The following CD200R1 variants were observed in gnomAD, a reference collection of about 807,000 sequenced individuals.
CD200R1 encodes CD200 receptor 1, also known as cell surface glycoprotein CD200 receptor 1.
CD200R1 carries 30 observed loss-of-function variants against 38.1 expected under a neutral mutation model. The observed-to-expected ratio is 0.79, with a 90% CI of 0.59 to 1.07. CD200R1 has a LOEUF of 1.07. Ranked by LOEUF, CD200R1 falls within the 50% of genes least tolerant of loss-of-function variation. The probability of loss-of-function intolerance (pLI) is 0.00; values close to 1 mark genes in which losing one functional copy is unlikely to be tolerated. For synonymous variants in CD200R1, 128 were observed against 152.1 expected (o/e 0.84, Z 1.16); for missense variants, 372 against 415.4 (o/e 0.90, Z 0.91).
At position 112,975,060 on chromosome 3, in the gene CD200R1, G is replaced by A; in HGVS notation, c.-203C>T. On this transcript the variant is annotated 5_prime_UTR_variant, in exon 1 of 8. Coordinates refer to ENST00000308611, the MANE Select transcript of CD200R1 (RefSeq NM_138806.4). Reference sequence around the variant, plus strand: ...GCCTGGTTAGTAACTTGGACGAACAGAAGCTTTTCTCTGGAACTTGACACA... The same window carrying A: ...GCCTGGTTAGTAACTTGGACGAACAAAAGCTTTTCTCTGGAACTTGACACA... The A allele has an allele frequency of 1.8e-6, 1 of 557,530 alleles. No homozygotes were observed. Among genetic ancestry groups the A allele is most frequent in the Non-Finnish European group, 3.2e-6 (1 of 311,310 alleles). 34.5% of individuals were successfully genotyped at this position (557,530 alleles called of 1,614,324 possible). A position where few individuals can be genotyped will look rare whatever the true frequency, so the allele number is the denominator to read the frequency against.
intron 2 of CD200R1, among the ~76,000 whole-genome samples, chr3:112,931,573 T>C (rs7622812): frequency 0.59 from 89,333 of 151,964 alleles, 26,672 homozygotes; most frequent in African/African-American, 0.69. Context: ...TGTTGGGCAC[T>C]TCACCCAGGT....
chr3:112,954,502 G>A (rs1247562431), intron 1 of CD200R1, among the ~76,000 whole-genome samples: 1 of 152,122 alleles, frequency 6.6e-6, no homozygotes, highest in African/African-American at 2.4e-5. Flanking sequence ...GCTGGTCACT[G>A]GGAAGACCAA....
At chr3:112,937,731 G>A (rs912329176) in intron 2 of CD200R1, among the ~76,000 whole-genome samples, 1 of 152,096 alleles carries the variant, frequency 6.6e-6, no homozygotes, top group Non-Finnish European at 1.5e-5. Context: ...TGTGAACAAT[G>A]TCAATTGTAG....
rs748309416 is a variant in CD200R1 at position 112,974,792 on chromosome 3, G to A, written c.66C>T (p.Ala22=). 6.2e-5 allele frequency: 100 copies of A among 1,602,278 alleles called. No homozygotes were observed. The highest frequency in any genetic ancestry group is 1.7e-4 in the Middle Eastern group (1 of 6,050). ...CTCCCAAAGAGAATTCAAACTTACC[G>A]GCCACTAAGAAGATAGTCAAAATCA... The part of the protein sequence containing the change: ...LLLILTIFLV[A]EAEGAAQPNN... Residue 22 remains alanine, a splice_region_variant and synonymous_variant, in exon 1 of 8, where the codon GCC becomes GCT. Coordinates refer to ENST00000308611, the MANE Select transcript of CD200R1 (RefSeq NM_138806.4).
chr3:112,940,807 T>A (rs1259813225), intron 2 of CD200R1, among the ~76,000 whole-genome samples: 1 of 151,694 alleles, frequency 6.6e-6, no homozygotes. Flanking sequence ...AAACATTTAT[T>A]CAAAGGAAAG....
chr3:112,923,905 A>T, intron 7 of CD200R1, 106 bp from the exon 8 acceptor site: 1 of 635,272 alleles, frequency 1.6e-6, no homozygotes, highest in Non-Finnish European at 2.7e-6. Context: ...CAGGTGCTCA[A>T]GAGTGCTTAT....
chr3:112,941,610 T>C (rs1044207845), intron 2 of CD200R1, among the ~76,000 whole-genome samples: 5 of 151,518 alleles, frequency 3.3e-5, no homozygotes, highest in African/African-American at 1.2e-4. Flanking sequence ...CAAATTTTGT[T>C]TTTGAAAAGT....
intron 3 of CD200R1, among the ~76,000 whole-genome samples, chr3:112,930,187 TAA>T (rs1940394489): frequency 1.3e-5 from 2 of 152,084 alleles, no homozygotes; most frequent in South Asian, 2.1e-4. Flanking sequence ...TGCCCTGTGA[TAA>T]GAGATGCTTA....
chr3:112,925,386 G>A (rs1434374537), intron 5 of CD200R1, among the ~76,000 whole-genome samples, 193 bp from the exon 6 acceptor site: 7 of 152,014 alleles, frequency 4.6e-5, no homozygotes, highest in African/African-American at 1.4e-4. Flanking sequence ...AAGACATTAC[G>A]GAAAAGATAA....
At chr3:112,931,031 G>A in intron 3 of CD200R1, 75 bp downstream of exon 3, 1 of 1,061,806 alleles carries the variant, frequency 9.4e-7, no homozygotes, top group Non-Finnish European at 1.5e-6. Context: ...TTCCAGTCAG[G>A]TCATTAGCTA....
At chr3:112,953,642 A>AT (rs1321755218) in intron 1 of CD200R1, among the ~76,000 whole-genome samples, 1 of 152,068 alleles carries the variant, frequency 6.6e-6, no homozygotes, top group East Asian at 1.9e-4. Context: ...GGGCTGTTCA[A>AT]TTTTTTTATT....
At chr3:112,951,225 A>G (rs1940963808) in intron 1 of CD200R1, among the ~76,000 whole-genome samples, 2 of 152,146 alleles carry the variant, frequency 1.3e-5, no homozygotes, top group Admixed American at 1.3e-4. Flanking sequence ...ATGAGGGAAT[A>G]TTATTAACAA....
At chr3:112,963,175 A>G in intron 1 of CD200R1, among the ~76,000 whole-genome samples, 1 of 152,194 alleles carries the variant, frequency 6.6e-6, no homozygotes, top group Non-Finnish European at 1.5e-5. Flanking sequence ...TCTTTTGTAA[A>G]TTGCCCAGTC....
Position 112,974,956 on chromosome 3 carries a change from C to G in CD200R1, c.-99G>C. ...GTGAGACCCTCTCTGGTCAACTTCTCAGTACAGGATCCTCTTACCCCATCA... is the reference window on the plus strand; with the variant it reads ...GTGAGACCCTCTCTGGTCAACTTCTGAGTACAGGATCCTCTTACCCCATCA... On this transcript the variant is annotated 5_prime_UTR_variant, in exon 1 of 8. Coordinates refer to ENST00000308611, the MANE Select transcript of CD200R1 (RefSeq NM_138806.4). 1 of 901,218 alleles carries G rather than the reference C, an allele frequency of 1.1e-6. No homozygotes were observed. The highest frequency in any genetic ancestry group is 1.4e-5 in the South Asian group (1 of 72,354). The allele number at this position is 901,218 out of a possible 1,614,324, so 55.8% of individuals were successfully genotyped here. A position where few individuals can be genotyped will look rare whatever the true frequency, so the allele number is the denominator to read the frequency against.
At chr3:112,973,575 A>G (rs1229076254) in intron 1 of CD200R1, among the ~76,000 whole-genome samples, 1 of 152,180 alleles carries the variant, frequency 6.6e-6, no homozygotes, top group Non-Finnish European at 1.5e-5. Flanking sequence ...TGTGCAGATC[A>G]AAGGGAAAAA....
intron 2 of CD200R1, among the ~76,000 whole-genome samples, chr3:112,938,350 A>G (rs1347996315): frequency 6.6e-6 from 1 of 151,996 alleles, no homozygotes; most frequent in Non-Finnish European, 1.5e-5. Context: ...AACATAATTG[A>G]CAAGCCATTA....
chr3:112,936,333 C>T (rs143123837), intron 2 of CD200R1, among the ~76,000 whole-genome samples: 7 of 152,136 alleles, frequency 4.6e-5, no homozygotes, highest in African/African-American at 7.2e-5. Flanking sequence ...ATCAGATTGC[C>T]GAGTCAAACA....
At chr3:112,928,779 GA>G in intron 5 of CD200R1, 36 bp downstream of exon 5, 1 of 1,503,712 alleles carries the variant, frequency 6.7e-7, no homozygotes, top group Non-Finnish European at 9.1e-7. Flanking sequence ...TAAAAGAATG[GA>G]AAAAAATAAA....
chr3:112,933,861 A>T (rs1940513905), intron 2 of CD200R1, among the ~76,000 whole-genome samples: 1 of 152,128 alleles, frequency 6.6e-6, no homozygotes, highest in African/African-American at 2.4e-5. Context: ...TTTCAACAAC[A>T]GCATAGAAAA....
Sources: gnomAD v4.1 joint callset for allele counts (sites outside exome capture counted in the v4.1 genomes callset) on GRCh38, gnomAD v4.1.1 for gene constraint, MANE v1.5 for transcripts, NCBI Gene and HGNC (gene_info 2026-07-23, HGNC 2026-07-21) for gene names.